CSTPP1: variants seen among roughly 807,000 people sequenced by gnomAD.
CSTPP1 encodes centriolar satellite-associated tubulin polyglutamylase complex regulator 1, also known as UPF0705 protein C11orf49.
chr11:46,996,063 G>A, the CSTPP1 span, among the ~76,000 whole-genome samples: 1 of 151,936 alleles, frequency 6.6e-6, no homozygotes, highest in Non-Finnish European at 1.5e-5. Flanking sequence ...ATCTTTGTTG[G>A]TTTAAAGTCT....
At chr11:47,148,073 C>T in the CSTPP1 span, among the ~76,000 whole-genome samples, 1 of 152,166 alleles carries the variant, frequency 6.6e-6, no homozygotes, top group Non-Finnish European at 1.5e-5. Context: ...CTAGAGGCAG[C>T]TTGTGCAGCA....
At chr11:46,965,578 ATAG>A in the CSTPP1 span, among the ~76,000 whole-genome samples, 2 of 152,172 alleles carry the variant, frequency 1.3e-5, no homozygotes. Flanking sequence ...ATTAGTGACA[ATAG>A]TAGCATTGTT....
chr11:47,148,702 G>A, the CSTPP1 span, among the ~76,000 whole-genome samples: 7 of 152,226 alleles, frequency 4.6e-5, no homozygotes, highest in African/African-American at 1.7e-4. Context: ...GATTACAGCC[G>A]GCGCTCATTC....
the CSTPP1 span, among the ~76,000 whole-genome samples, chr11:47,127,531 G>A: frequency 1.3e-5 from 2 of 152,152 alleles, no homozygotes; most frequent in African/African-American, 4.8e-5. Context: ...GGAGCTGAAG[G>A]AGAACTGTGA....
At chr11:46,965,011 T>C in the CSTPP1 span, among the ~76,000 whole-genome samples, 15 of 152,156 alleles carry the variant, frequency 9.9e-5, no homozygotes, top group African/African-American at 2.6e-4. Context: ...GGACAGGTAA[T>C]CATGACAGGT....
At chr11:46,996,554 G>A in the CSTPP1 span, among the ~76,000 whole-genome samples, 2 of 151,958 alleles carry the variant, frequency 1.3e-5, no homozygotes, top group Non-Finnish European at 2.9e-5. Context: ...CGCCCGTCTC[G>A]GTCTCCCAAA....
At chr11:47,057,445 T>C in the CSTPP1 span, among the ~76,000 whole-genome samples, 4 of 152,194 alleles carry the variant, frequency 2.6e-5, no homozygotes, top group African/African-American at 9.7e-5. Flanking sequence ...AGGTACTTCC[T>C]CTTCTATCTG....
At chr11:47,005,032 C>G in the CSTPP1 span, among the ~76,000 whole-genome samples, 1 of 152,108 alleles carries the variant, frequency 6.6e-6, no homozygotes, top group South Asian at 2.1e-4. Context: ...CATCTGCACA[C>G]TCTCATACTT....
At chr11:47,161,363 T>A in the CSTPP1 span, 1 of 1,587,932 alleles carries the variant, frequency 6.3e-7, no homozygotes, top group Non-Finnish European at 8.5e-7. Flanking sequence ...CTTTGGGGGC[T>A]GCAGCCCAGG....
the CSTPP1 span, among the ~76,000 whole-genome samples, chr11:47,075,128 T>G: frequency 6.6e-6 from 1 of 152,138 alleles, no homozygotes; most frequent in South Asian, 2.1e-4. Flanking sequence ...CCCAGGACTT[T>G]GGGGAGGCCA....
the CSTPP1 span, among the ~76,000 whole-genome samples, chr11:47,034,765 C>T: frequency 4.6e-5 from 7 of 152,224 alleles, no homozygotes; most frequent in East Asian, 1.2e-3. Context: ...TTCCAAAGTG[C>T]TGGGATTACA....
chr11:47,054,813 G>A, the CSTPP1 span, among the ~76,000 whole-genome samples: 29 of 152,230 alleles, frequency 1.9e-4, no homozygotes, highest in African/African-American at 7.0e-4. Context: ...TTGGTGATTG[G>A]ATTTGGCATT....
the CSTPP1 span, among the ~76,000 whole-genome samples, chr11:47,030,568 A>G: frequency 6.6e-6 from 1 of 152,150 alleles, no homozygotes; most frequent in East Asian, 1.9e-4. Flanking sequence ...GGTTTGTTAC[A>G]TAGGTAAACT....
the CSTPP1 span, among the ~76,000 whole-genome samples, chr11:47,011,346 A>G: frequency 1.3e-5 from 2 of 152,368 alleles, no homozygotes; most frequent in Admixed American, 1.3e-4. Context: ...GAATTTGGGT[A>G]TCCAGATTAA....
the CSTPP1 span, among the ~76,000 whole-genome samples, chr11:47,106,911 A>G: frequency 1.3e-5 from 2 of 152,044 alleles, no homozygotes; most frequent in African/African-American, 4.8e-5. Context: ...TCACACTACC[A>G]CACAGTTCTC....
chr11:47,097,567 G>C, the CSTPP1 span, among the ~76,000 whole-genome samples: 2 of 64,726 alleles, frequency 3.1e-5, no homozygotes, highest in East Asian at 5.0e-4. Flanking sequence ...CAGCCGCCCC[G>C]TCCGGGAGGG....
the CSTPP1 span, among the ~76,000 whole-genome samples, chr11:46,977,849 A>G: frequency 5.3e-5 from 8 of 152,206 alleles, no homozygotes; most frequent in African/African-American, 1.9e-4. Context: ...GCTCTTAGTA[A>G]CAATAGAAGG....
chr11:47,049,750 C>G, the CSTPP1 span, among the ~76,000 whole-genome samples: 1 of 151,418 alleles, frequency 6.6e-6, no homozygotes, highest in Non-Finnish European at 1.5e-5. Context: ...CATCCTCAGC[C>G]TCTGAGTAGA....
the CSTPP1 span, among the ~76,000 whole-genome samples, chr11:47,139,490 A>G: frequency 2.6e-5 from 4 of 152,158 alleles, no homozygotes; most frequent in African/African-American, 9.7e-5. Flanking sequence ...CCTGACCAAC[A>G]TGGTGAAACC....
Sources: gnomAD v4.1 joint callset for allele counts (sites outside exome capture counted in the v4.1 genomes callset) on GRCh38, gnomAD v4.1.1 for gene constraint, MANE v1.5 for transcripts, NCBI Gene and HGNC (gene_info 2026-07-23, HGNC 2026-07-21) for gene names.